The following TNS3 variants were observed in gnomAD, a reference collection of about 807,000 sequenced individuals.
TNS3 encodes tensin-3.
In TNS3, 45 loss-of-function variants were observed where a neutral mutation model predicts 140.9. That is an observed-to-expected ratio of 0.32 (90% CI 0.25 to 0.41). TNS3 has a LOEUF of 0.41. Among genes scored for constraint, TNS3 ranks in the 10% least tolerant of loss-of-function variants. The probability of loss-of-function intolerance (pLI) is 1.00; values close to 1 mark genes in which losing one functional copy is unlikely to be tolerated. For missense variants in TNS3, 1,716 were observed against 1,906.7 expected (o/e 0.90, Z 1.86); for synonymous variants, 815 against 788.4 (o/e 1.03, Z -0.56).
chr7:47,298,880 A>G lies in TNS3; in HGVS notation c.3545-1667T>C, dbSNP rs564292149. On this transcript the variant is annotated intron_variant, in intron 23 of 30. Coordinates refer to ENST00000311160, the MANE Select transcript of TNS3 (RefSeq NM_022748.12). ...GGAGGAGCTCAACATGCCCCTGGGG[A>G]TGAAGCAGGAGCTTCTAAACAGCAC... 1.1e-4 allele frequency among the ~76,000 whole-genome samples: 17 copies of G among 152,354 alleles called. No homozygotes were observed. The East Asian group carries it at 3.3e-3, about 29-fold the overall frequency.
chr7:47,404,161 C>A (rs1265378837), intron 13 of TNS3, among the ~76,000 whole-genome samples: 1 of 152,200 alleles, frequency 6.6e-6, no homozygotes, highest in Non-Finnish European at 1.5e-5. Context: ...ATAGCAAGCA[C>A]CACAACAAAG....
At chr7:47,320,415 G>T (rs1020209508) in intron 20 of TNS3, among the ~76,000 whole-genome samples, 1 of 152,198 alleles carries the variant, frequency 6.6e-6, no homozygotes, top group African/African-American at 2.4e-5. Flanking sequence ...TCCACGAGTT[G>T]GGAGTATTAG....
chr7:47,388,838 G>A (rs1353505812), intron 16 of TNS3, among the ~76,000 whole-genome samples: 2 of 151,766 alleles, frequency 1.3e-5, no homozygotes, highest in African/African-American at 4.9e-5. Flanking sequence ...CTGCACTCCA[G>A]CCTGGGTCTC....
Position 47,292,828 on chromosome 7 carries a change from C to G in TNS3, c.3850G>C (p.Asp1284His). ...LPCKLLIPERDPLEEIAESSP... is the reference protein window; with the variant it reads ...LPCKLLIPERHPLEEIAESSP... ...CTGACTAGCACTGAGGACCCCTTAC[C>G]TCTCTCTGGGATAAGCAGCTTGCAC... The change falls in exon 26 of 31, where the codon GAT becomes CAT. Residue 1284 changes from aspartate (D) to histidine (H), a missense_variant and splice_region_variant. Coordinates refer to ENST00000311160, the MANE Select transcript of TNS3 (RefSeq NM_022748.12). The G allele has an allele frequency of 1.2e-6, 2 of 1,614,044 alleles. No homozygotes were observed. Among genetic ancestry groups the G allele is most frequent in the Non-Finnish European group, 1.7e-6 (2 of 1,179,956 alleles).
intron 3 of TNS3, among the ~76,000 whole-genome samples, chr7:47,502,883 G>C (rs960726652): frequency 2.0e-5 from 3 of 152,188 alleles, no homozygotes; most frequent in African/African-American, 7.2e-5. Flanking sequence ...TATCCAAGAA[G>C]GGTGCAAACC....
chr7:47,470,168 C>T (rs374951106), intron 4 of TNS3, among the ~76,000 whole-genome samples: 2 of 152,060 alleles, frequency 1.3e-5, no homozygotes, highest in South Asian at 2.1e-4. Flanking sequence ...ACTGAGCACA[C>T]GTGAACATAA....
intron 1 of TNS3, among the ~76,000 whole-genome samples, chr7:47,578,328 AT>A (rs541522407): frequency 1.5e-4 from 23 of 152,282 alleles, no homozygotes; most frequent in Non-Finnish European, 2.6e-4. Flanking sequence ...AAATAAAAAA[AT>A]AAAAAGAAGC....
intron 3 of TNS3, among the ~76,000 whole-genome samples, chr7:47,501,823 G>A (rs1337217194): frequency 6.6e-6 from 1 of 152,170 alleles, no homozygotes; most frequent in Non-Finnish European, 1.5e-5. Flanking sequence ...AGCCTTCATG[G>A]GGAAGAAGAG....
intron 16 of TNS3, among the ~76,000 whole-genome samples, chr7:47,394,575 A>C (rs1377751431): frequency 6.6e-6 from 1 of 152,254 alleles, no homozygotes; most frequent in African/African-American, 2.4e-5. Context: ...CTGCATCTTC[A>C]GGAGACACTG....
chr7:47,295,949 T>C (rs1022608259), intron 24 of TNS3, among the ~76,000 whole-genome samples: 1 of 152,176 alleles, frequency 6.6e-6, no homozygotes, highest in Non-Finnish European at 1.5e-5. Context: ...CACTTTTCTA[T>C]AAACACAGGG....
At chr7:47,421,094 A>G (rs1196651054) in intron 10 of TNS3, among the ~76,000 whole-genome samples, 4 of 152,172 alleles carry the variant, frequency 2.6e-5, no homozygotes, top group African/African-American at 7.2e-5. Context: ...CAAAGAAACA[A>G]CTGGCTACCT....
intron 25 of TNS3, 87 bp downstream of exon 25, chr7:47,293,646 G>C: frequency 8.7e-7 from 1 of 1,152,346 alleles, no homozygotes. Flanking sequence ...CCATAAGAGT[G>C]ATAGTCCCAA....
At chr7:47,385,345 G>A (rs1265436543) in intron 16 of TNS3, among the ~76,000 whole-genome samples, 1 of 152,208 alleles carries the variant, frequency 6.6e-6, no homozygotes, top group East Asian at 1.9e-4. Flanking sequence ...ATGCTCGGAA[G>A]GTTGTGCAGC....
At chr7:47,291,360 T>A (rs988254731) in intron 27 of TNS3, among the ~76,000 whole-genome samples, 20 of 152,218 alleles carry the variant, frequency 1.3e-4, no homozygotes, top group Admixed American at 5.9e-4. Context: ...GCTGTGTTAA[T>A]GCAGGTTCAT....
intron 17 of TNS3, among the ~76,000 whole-genome samples, chr7:47,352,837 T>A (rs1280827580): frequency 6.6e-6 from 1 of 152,168 alleles, no homozygotes; most frequent in Non-Finnish European, 1.5e-5. Context: ...CAGTGGTGAC[T>A]TGCGCTGGGT....
chr7:47,544,515 C>G (rs905446764), intron 1 of TNS3, among the ~76,000 whole-genome samples: 1 of 152,144 alleles, frequency 6.6e-6, no homozygotes, highest in African/African-American at 2.4e-5. Flanking sequence ...CCACAAGACC[C>G]TTCACCCATT....
In TNS3 at chr7:47,280,200, T is replaced by C; in HGVS notation, c.4167-10A>G. On this transcript the variant is annotated splice_polypyrimidine_tract_variant and intron_variant, in intron 29 of 30. Transcript: ENST00000311160. ...GCCATCTTTGATCCACCTTGCAAAT[T>C]AAAGAGAAAAACAGAGGTTAATTTT... 6.2e-7 allele frequency: 1 copy of C among 1,614,116 alleles called. No homozygotes were observed. The highest frequency in any genetic ancestry group is 8.5e-7 in the Non-Finnish European group (1 of 1,180,004).
At chr7:47,449,740 G>A (rs1417237500) in intron 4 of TNS3, among the ~76,000 whole-genome samples, 3 of 152,118 alleles carry the variant, frequency 2.0e-5, no homozygotes, top group Non-Finnish European at 4.4e-5. Context: ...CCAGTAGTTG[G>A]GATTACAGGC....
At chr7:47,429,655 G>A (rs762254368) in intron 8 of TNS3, among the ~76,000 whole-genome samples, 8 of 152,170 alleles carry the variant, frequency 5.3e-5, no homozygotes, top group Admixed American at 1.3e-4. Context: ...GACTACAGGC[G>A]TGAGCCACCG....
Sources: gnomAD v4.1 joint callset for allele counts (sites outside exome capture counted in the v4.1 genomes callset) on GRCh38, gnomAD v4.1.1 for gene constraint, MANE v1.5 for transcripts, NCBI Gene and HGNC (gene_info 2026-07-23, HGNC 2026-07-21) for gene names.